ARMH4: variants seen among roughly 807,000 people sequenced by gnomAD.
ARMH4 encodes armadillo-like helical domain-containing protein 4.
A neutral mutation model predicts 61.9 loss-of-function variants in ARMH4; 49 were observed. That is an observed-to-expected ratio of 0.79 (90% CI 0.63 to 1.00). The LOEUF (loss-of-function observed/expected upper bound fraction) is 1.00, where lower values mean the gene tolerates loss of function less well. Ranked by LOEUF, ARMH4 falls within the 50% of genes least tolerant of loss-of-function variation. The pLI is 0.00. For missense variants in ARMH4, 934 were observed against 930.0 expected, an observed-to-expected ratio of 1.00 and a Z score of -0.06; for synonymous variants, 368 against 341.5, an observed-to-expected ratio of 1.08 and a Z score of -0.85.
At chr14:58,147,049 G>A (rs541115026) in intron 1 of ARMH4, among the ~76,000 whole-genome samples, 2 of 152,244 alleles carry the variant, frequency 1.3e-5, no homozygotes, top group African/African-American at 4.8e-5. Context: ...GGTGAAGAAA[G>A]CTACCTCATC....
chr14:58,090,718 A>C (rs984228187), intron 5 of ARMH4, among the ~76,000 whole-genome samples: 69 of 151,790 alleles, frequency 4.5e-4, no homozygotes, highest in African/African-American at 1.6e-3. Context: ...ATCTCTACTA[A>C]AAATACAAAA....
At chr14:58,120,155 G>A (rs1170806579) in intron 4 of ARMH4, among the ~76,000 whole-genome samples, 1 of 152,078 alleles carries the variant, frequency 6.6e-6, no homozygotes, top group African/African-American at 2.4e-5. Flanking sequence ...GCATGTTACT[G>A]TACTGAATAC....
chr14:58,030,934 A>G (rs1883208262), intron 5 of ARMH4, among the ~76,000 whole-genome samples: 1 of 152,228 alleles, frequency 6.6e-6, no homozygotes, highest in African/African-American at 2.4e-5. Flanking sequence ...CACTATGAAC[A>G]TGGATGTACA....
intron 4 of ARMH4, among the ~76,000 whole-genome samples, chr14:58,119,509 C>T (rs1372923834): frequency 1.3e-5 from 2 of 152,184 alleles, no homozygotes; most frequent in Non-Finnish European, 2.9e-5. Context: ...ACATATAGTT[C>T]CAAGCTACGT....
At chr14:58,012,198 T>C in intron 5 of ARMH4, 48 bp from the exon 6 acceptor site, 2 of 1,123,878 alleles carry the variant, frequency 1.8e-6, no homozygotes, top group Non-Finnish European at 2.6e-6. Flanking sequence ...CTTTTACTTA[T>C]AATTCATGGC....
intron 2 of ARMH4, among the ~76,000 whole-genome samples, chr14:58,137,485 C>G (rs1446326068): frequency 7.7e-6 from 1 of 130,174 alleles, no homozygotes; most frequent in Non-Finnish European, 1.9e-5. Context: ...GCAACCTCCG[C>G]CTTCCCAGGT....
intron 5 of ARMH4, among the ~76,000 whole-genome samples, chr14:58,034,170 T>A (rs1280461647): frequency 1.5e-5 from 2 of 136,256 alleles, no homozygotes; most frequent in East Asian, 4.2e-4. Flanking sequence ...CGGGTTACCC[T>A]CAAAGGAAAG....
At chr14:58,101,692 T>C (rs1015592883) in intron 4 of ARMH4, 1 of 152,064 alleles carries the variant, frequency 6.6e-6, no homozygotes, top group East Asian at 1.9e-4. Flanking sequence ...AAAATCTCAA[T>C]TTGTTTTGCC....
At chr14:58,135,011 T>TA (rs938313715) in intron 2 of ARMH4, among the ~76,000 whole-genome samples, 10 of 151,960 alleles carry the variant, frequency 6.6e-5, no homozygotes, top group South Asian at 2.1e-4. Context: ...CCTATTACTT[T>TA]AAAAAAAAGT....
At chr14:58,041,381 GA>G (rs1325729633) in intron 5 of ARMH4, among the ~76,000 whole-genome samples, 1 of 152,094 alleles carries the variant, frequency 6.6e-6, no homozygotes, top group African/African-American at 2.4e-5. Flanking sequence ...ATACTTTACA[GA>G]CAAGCAAATG....
At chr14:58,141,344 C>T (rs1396035265) in intron 1 of ARMH4, 5 of 495,150 alleles carry the variant, frequency 1.0e-5, no homozygotes, top group Non-Finnish European at 2.0e-5. Context: ...CCCACCGACA[C>T]CATTTAGAAT....
chr14:58,015,686 TAAG>T (rs1265345886), intron 5 of ARMH4, among the ~76,000 whole-genome samples: 1 of 149,862 alleles, frequency 6.7e-6, no homozygotes, highest in African/African-American at 2.5e-5. Context: ...TTTTAAAACT[TAAG>T]GAGTAGAAAA....
chr14:58,015,754 T>TAAA (rs34004432), intron 5 of ARMH4, among the ~76,000 whole-genome samples: 3 of 136,242 alleles, frequency 2.2e-5, no homozygotes, highest in East Asian at 2.1e-4. Context: ...TATTTTTAGT[T>TAAA]AAAAAAAAAA....
chr14:58,012,425 G>T (rs1357724986), intron 5 of ARMH4, among the ~76,000 whole-genome samples: 1 of 152,148 alleles, frequency 6.6e-6, no homozygotes, highest in East Asian at 1.9e-4. Context: ...TAGTGGGGAG[G>T]TGTGGGCAAA....
intron 5 of ARMH4, among the ~76,000 whole-genome samples, chr14:58,063,109 G>A (rs142755198): frequency 1.3e-5 from 2 of 152,254 alleles, no homozygotes; most frequent in East Asian, 3.9e-4. Context: ...GTCTCTTCCT[G>A]GCTCTGGCAG....
chr14:58,010,306 T>C (rs761143261), intron 6 of ARMH4, among the ~76,000 whole-genome samples: 1 of 152,152 alleles, frequency 6.6e-6, no homozygotes, highest in African/African-American at 2.4e-5. Context: ...CCAGCATGTA[T>C]CAGGATCACC....
intron 5 of ARMH4, among the ~76,000 whole-genome samples, chr14:58,031,391 G>A (rs1263882123): frequency 1.3e-5 from 2 of 152,150 alleles, no homozygotes; most frequent in African/African-American, 4.8e-5. Context: ...GTTACGAAGA[G>A]GCAGCCAGAG....
At chr14:58,020,674 C>T (rs1303981062) in intron 5 of ARMH4, among the ~76,000 whole-genome samples, 1 of 152,288 alleles carries the variant, frequency 6.6e-6, no homozygotes, top group Non-Finnish European at 1.5e-5. Context: ...GTTCCATGTT[C>T]GCCAAGGACT....
chr14:58,121,498 A>G (rs2141305512), intron 4 of ARMH4, among the ~76,000 whole-genome samples: 1 of 152,372 alleles, frequency 6.6e-6, no homozygotes, highest in African/African-American at 2.4e-5. Flanking sequence ...TTTCTTCAAC[A>G]GCAGAATTTG....
Sources: gnomAD v4.1 joint callset for allele counts (sites outside exome capture counted in the v4.1 genomes callset) on GRCh38, gnomAD v4.1.1 for gene constraint, MANE v1.5 for transcripts, NCBI Gene and HGNC (gene_info 2026-07-23, HGNC 2026-07-21) for gene names.